The following WDFY2 variants were observed in gnomAD, a reference collection of about 807,000 sequenced individuals.
The protein encoded by WDFY2 is WD repeat and FYVE domain containing 2.
A neutral mutation model predicts 56.4 loss-of-function variants in WDFY2; 36 were observed. The ratio of observed to expected loss-of-function variants is 0.64; its 90% CI spans 0.49 to 0.84. The LOEUF is 0.84. Ranked by LOEUF, WDFY2 falls within the 40% of genes least tolerant of loss-of-function variation. The pLI, the probability that WDFY2 is intolerant of heterozygous loss-of-function variation, is 0.00. For missense variants in WDFY2, 444 were observed against 512.2 expected, an observed-to-expected ratio of 0.87 and a Z score of 1.29; for synonymous variants, 176 against 183.7, an observed-to-expected ratio of 0.96 and a Z score of 0.34.
chr13:51,629,965 T>C (rs1211231188), intron 1 of WDFY2, among the ~76,000 whole-genome samples: 1 of 152,012 alleles, frequency 6.6e-6, no homozygotes, highest in Non-Finnish European at 1.5e-5. Flanking sequence ...CAAACATTAA[T>C]ATGTTTCCTA....
At chr13:51,712,847 C>T (rs1180536247) in intron 4 of WDFY2, among the ~76,000 whole-genome samples, 3 of 151,626 alleles carry the variant, frequency 2.0e-5, no homozygotes, top group Admixed American at 6.6e-5. Context: ...ATATTATGAA[C>T]AACTTTATAC....
rs906708876 is a variant in WDFY2, at chr13:51,726,649, A to G, written c.486-1029A>G. Among the ~76,000 whole-genome samples, 3 of 152,240 alleles carry G rather than the reference A, an allele frequency of 2.0e-5. No individual in the cohort carries two copies. In the South Asian group the frequency reaches 6.2e-4, roughly 31 times the overall value. ...TAAGGCACAGTGAGCCACTCTTATC[A>G]GTTAATGGTGGGAACCTTCCCAAAA... On this transcript the variant is annotated intron_variant, in intron 5 of 11. Coordinates refer to ENST00000298125, the MANE Select transcript of WDFY2 (RefSeq NM_052950.4).
At chr13:51,695,827 C>T (rs971396335) in intron 3 of WDFY2, among the ~76,000 whole-genome samples, 5 of 152,224 alleles carry the variant, frequency 3.3e-5, no homozygotes, top group African/African-American at 9.6e-5. Flanking sequence ...GTGGTGGGCT[C>T]CACCCAGTTG....
intron 3 of WDFY2, among the ~76,000 whole-genome samples, chr13:51,695,325 G>A (rs1340726692): frequency 6.6e-6 from 1 of 152,036 alleles, no homozygotes; most frequent in African/African-American, 2.4e-5. Context: ...ATCTACTTTT[G>A]GTCTTTGATG....
At chr13:51,647,602 T>A (rs185687727) in intron 1 of WDFY2, among the ~76,000 whole-genome samples, 45 of 152,018 alleles carry the variant, frequency 3.0e-4, no homozygotes, top group Non-Finnish European at 4.1e-4. Flanking sequence ...TAAAATTTTT[T>A]AAAAAATTAG....
rs77045984 is a variant in WDFY2, at chr13:51,635,679, A to T, written c.138-24917A>T. On this transcript the variant is annotated intron_variant, in intron 1 of 11. Coordinates refer to ENST00000298125, the MANE Select transcript of WDFY2 (RefSeq NM_052950.4). ...TCCCCATGGCTTGGGAACTACAGAC[A>T]GGTGAGGGTCTCCACACTACAGTTT... Among the ~76,000 whole-genome samples, 848 of 152,334 alleles carry T rather than the reference A, an allele frequency of 5.6e-3. 5 individuals are homozygous for T. The highest frequency in any genetic ancestry group is 0.019 in the African/African-American group (794 of 41,572).
intron 1 of WDFY2, among the ~76,000 whole-genome samples, chr13:51,654,728 T>G (rs1220926259): frequency 4.6e-5 from 7 of 152,218 alleles, no homozygotes; most frequent in African/African-American, 1.7e-4. Context: ...TTCACATTCA[T>G]TTAGGAAATT....
At chr13:51,756,271 T>G (rs991086748) in intron 9 of WDFY2, 61 bp from the exon 10 acceptor site, 2 of 1,559,976 alleles carry the variant, frequency 1.3e-6, no homozygotes, top group Non-Finnish European at 1.7e-6. Flanking sequence ...AGGGGTGAGA[T>G]GCGGGGGCCT....
intron 6 of WDFY2, among the ~76,000 whole-genome samples, chr13:51,730,637 A>G (rs1952703957): frequency 6.6e-6 from 1 of 152,252 alleles, no homozygotes; most frequent in Admixed American, 6.5e-5. Flanking sequence ...TTCTGGGAAC[A>G]CAGAAGGGCA....
At chr13:51,663,299 TG>T (rs1190695643) in intron 2 of WDFY2, among the ~76,000 whole-genome samples, 1 of 152,242 alleles carries the variant, frequency 6.6e-6, no homozygotes, top group Non-Finnish European at 1.5e-5. Flanking sequence ...TAGTGTTGAT[TG>T]GTAAATATAT....
intron 2 of WDFY2, among the ~76,000 whole-genome samples, chr13:51,670,488 T>TGC (rs961360980): frequency 1.3e-3 from 124 of 92,108 alleles, no homozygotes; most frequent in African/African-American, 4.7e-3. Context: ...TGTGCGCACA[T>TGC]GCACACACAC....
chr13:51,727,362 G>C (rs754365511), intron 5 of WDFY2, among the ~76,000 whole-genome samples: 1 of 152,004 alleles, frequency 6.6e-6, no homozygotes, highest in African/African-American at 2.4e-5. Flanking sequence ...GAGTATTCTT[G>C]GCTCTTTTTG....
Position 51,621,717 on chromosome 13 carries a change from T to G in WDFY2, c.137+36893T>G, listed in dbSNP as rs1274049368. Among the ~76,000 whole-genome samples, 3 of 152,318 alleles carry G rather than the reference T, an allele frequency of 2.0e-5. No individual in the cohort carries two copies. The East Asian group carries it at 5.8e-4, about 29-fold the overall frequency. Reference sequence around the variant, plus strand: ...GAATGCAATGTGATACTGGCCAGATTCGTCCTTTTGGGTTCCCTCAGGCCT... The same window carrying G: ...GAATGCAATGTGATACTGGCCAGATGCGTCCTTTTGGGTTCCCTCAGGCCT... On this transcript the variant is annotated intron_variant, in intron 1 of 11. Transcript: ENST00000298125.
intron 1 of WDFY2, among the ~76,000 whole-genome samples, chr13:51,650,611 T>C (rs1455899096): frequency 1.3e-5 from 2 of 152,136 alleles, no homozygotes; most frequent in African/African-American, 2.4e-5. Context: ...TTATTGAGAG[T>C]TTTTAGCATG....
chr13:51,653,558 G>T (rs1278892748), intron 1 of WDFY2, among the ~76,000 whole-genome samples: 1 of 152,108 alleles, frequency 6.6e-6, no homozygotes, highest in Non-Finnish European at 1.5e-5. Context: ...CTTTGATGAT[G>T]GTGACGTACA....
chr13:51,662,005 C>G (rs1004357264), intron 2 of WDFY2, among the ~76,000 whole-genome samples: 2 of 152,082 alleles, frequency 1.3e-5, no homozygotes, highest in African/African-American at 4.8e-5. Context: ...GAGTCTCCCT[C>G]TGTTGCCTAG....
At chr13:51,593,437 C>A (rs1954088345) in intron 1 of WDFY2, among the ~76,000 whole-genome samples, 1 of 151,984 alleles carries the variant, frequency 6.6e-6, no homozygotes, top group African/African-American at 2.4e-5. Flanking sequence ...TTGATTATTT[C>A]TTTAGGAAAG....
At chr13:51,594,808 C>G (rs1954114938) in intron 1 of WDFY2, among the ~76,000 whole-genome samples, 1 of 148,994 alleles carries the variant, frequency 6.7e-6, no homozygotes, top group African/African-American at 2.5e-5. Context: ...CTTCCTGCAG[C>G]ACCTGCAGCA....
At chr13:51,669,158 A>AT (rs1174617242) in intron 2 of WDFY2, among the ~76,000 whole-genome samples, 1 of 152,164 alleles carries the variant, frequency 6.6e-6, no homozygotes, top group Non-Finnish European at 1.5e-5. Flanking sequence ...GTCTAGGGCT[A>AT]TGTCTCCTGT....
Sources: allele counts gnomAD v4.1 joint callset (sites outside exome capture counted in the v4.1 genomes callset), GRCh38; gene constraint gnomAD v4.1.1; transcripts MANE v1.5; gene names NCBI Gene and HGNC (gene_info 2026-07-23, HGNC 2026-07-21).